Variants in MATN1 observed in about 807,000 individuals in gnomAD.
MATN1 encodes matrilin-1.
A neutral mutation model predicts 41.3 loss-of-function variants in MATN1; 34 were observed. That is an observed-to-expected ratio of 0.82 (90% CI 0.63 to 1.10). The LOEUF is 1.10. Among genes scored for constraint, MATN1 ranks in the 50% least tolerant of loss-of-function variants. The pLI is 0.00. For synonymous variants in MATN1, 264 were observed against 278.7 expected (o/e 0.95, Z 0.53); for missense variants, 602 against 662.4 (o/e 0.91, Z 1.00).
chr1:30,721,333 T>C (rs533708922), intron 2 of MATN1, 72 bp downstream of exon 2: 29 of 1,412,000 alleles, frequency 2.1e-5, no homozygotes, highest in Admixed American at 3.8e-5. Flanking sequence ...TCAAAGTGTC[T>C]GCAGGCAAAG....
intron 3 of MATN1, among the ~76,000 whole-genome samples, chr1:30,718,012 C>T (rs1054140728): frequency 4.6e-5 from 7 of 152,224 alleles, no homozygotes; most frequent in African/African-American, 1.7e-4. Flanking sequence ...TGGAGACCCT[C>T]CTCCGTTATC....
In MATN1 at chr1:30,718,877, C is replaced by T; in HGVS notation, c.522G>A (p.Glu174=). ...CGCTGCCCACTCCGATGGCGAACAG[C>T]TCGACGCCGCTGGCCCGGGCCCGCG... is the stretch of plus-strand genomic sequence containing the variant. ...VSARARASGV[E]LFAIGVGSVD... Residue 174 remains glutamate, a synonymous_variant, in exon 3 of 8, where the codon GAG becomes GAA. Coordinates refer to ENST00000373765, the MANE Select transcript of MATN1 (RefSeq NM_002379.3). 3 of 1,599,702 alleles carry T rather than the reference C, an allele frequency of 1.9e-6. No homozygotes were observed. The highest frequency in any genetic ancestry group is 8.5e-7 in the Non-Finnish European group (1 of 1,176,208).
At chr1:30,719,338 C>T in intron 2 of MATN1, 1 of 234,156 alleles carries the variant, frequency 4.3e-6, no homozygotes, top group African/African-American at 2.3e-5. Flanking sequence ...GGAGGCCCGG[C>T]CGGGGCTGGG....
chr1:30,716,707 A>C, intron 4 of MATN1, 83 bp downstream of exon 4: 1 of 1,552,934 alleles, frequency 6.4e-7, no homozygotes, highest in Non-Finnish European at 8.7e-7. Flanking sequence ...TGGTGCAGGG[A>C]GGCTTGAATG....
Position 30,713,434 on chromosome 1 carries a change from C to A in MATN1, c.*148G>T. On this transcript the variant is annotated 3_prime_UTR_variant, in exon 8 of 8. Transcript: ENST00000373765. ...ATACACACACGCACACATACACACA[C>A]GAGCTCCCAAACGCCATTACACGCT... 1.4e-6 allele frequency: 1 copy of A among 709,030 alleles called. No individual in the cohort carries two copies. Among genetic ancestry groups the A allele is most frequent in the Non-Finnish European group, 2.5e-6 (1 of 396,670 alleles). 43.9% of individuals were successfully genotyped at this position (709,030 alleles called of 1,614,324 possible).
chr1:30,718,650 C>T, intron 3 of MATN1, 85 bp downstream of exon 3: 1 of 926,774 alleles, frequency 1.1e-6, no homozygotes, highest in Non-Finnish European at 1.5e-6. Flanking sequence ...GCCTCAGCCT[C>T]GGTCCCGCCT....
Position 30,721,688 on chromosome 1 carries a change from C to T in MATN1, c.158G>A (p.Arg53Gln), listed in dbSNP as rs147880584. 21 of 1,613,074 alleles carry T rather than the reference C, an allele frequency of 1.3e-5. No homozygotes were observed. The African/African-American group carries it at 1.3e-4, about 10-fold the overall frequency. The change falls in exon 2 of 8, where the codon CGG (arginine) becomes CAG (glutamine). Residue 53 changes from arginine (R) to glutamine (Q), a missense_variant. Physicochemically the swap from Arg to Gln is conservative, Grantham distance 43. Transcript: ENST00000373765. ...VFVVDSSRSV[R>Q]PVEFEKVKVF... ...CTTCACTTTCTCAAATTCAACAGGC[C>T]GAACGCTGCGAGAGCTGTCGACAAC...
At chr1:30,719,196 G>A (rs1302984449) in intron 2 of MATN1, 2 of 481,736 alleles carry the variant, frequency 4.2e-6, no homozygotes, top group Admixed American at 4.2e-5. Context: ...ATGCCCGGAG[G>A]GATGTGATGC....
At position 30,721,613 on chromosome 1, in the gene MATN1, G is replaced by C. The variant is rs1276171119; in HGVS notation, c.233C>G (p.Thr78Ser). Residue 78 changes from threonine (T) to serine (S), a missense_variant, in exon 2 of 8, where the codon ACC (threonine) becomes AGC (serine). By Grantham distance (58) the Thr-to-Ser change is moderately conservative. Transcript: ENST00000373765. Reference sequence around the variant, plus strand: ...GGCATAGTTGACCATGCCCACCCGGGTGGCATTGGGCCCCACGTCCAGCGA... The same window carrying C: ...GGCATAGTTGACCATGCCCACCCGGCTGGCATTGGGCCCCACGTCCAGCGA... ...IESLDVGPNA[T>S]RVGMVNYAST... The C allele has an allele frequency of 1.9e-6, 3 of 1,613,564 alleles. No homozygotes were observed. The South Asian group carries it at 3.3e-5, about 18-fold the overall frequency.
intron 5 of MATN1, 77 bp downstream of exon 5, chr1:30,715,832 A>G: frequency 1.4e-6 from 2 of 1,459,618 alleles, no homozygotes; most frequent in Non-Finnish European, 1.9e-6. Flanking sequence ...CGACACCAAG[A>G]TAAACTACAG....
chr1:30,715,440 A>G, intron 5 of MATN1, 131 bp from the exon 6 acceptor site: 1 of 782,324 alleles, frequency 1.3e-6, no homozygotes, highest in East Asian at 2.6e-5. Context: ...TGCAAGCACA[A>G]TGCCTGGAAC....
Position 30,721,637 on chromosome 1 carries a change from G to A in MATN1, c.209C>T (p.Ser70Leu), listed in dbSNP as rs760462882. 41 of 1,613,424 alleles carry A rather than the reference G, an allele frequency of 2.5e-5. No homozygotes were observed. The highest frequency in any genetic ancestry group is 4.4e-5 in the South Asian group (4 of 91,092). Residue 70 changes from serine (S) to leucine (L), a missense_variant, in exon 2 of 8, where the codon TCG becomes TTG. Physicochemically the swap from Ser to Leu is moderately radical, Grantham distance 145 (BLOSUM62 -2). Coordinates refer to ENST00000373765, the MANE Select transcript of MATN1 (RefSeq NM_002379.3). ...GGTGGCATTGGGCCCCACGTCCAGC[G>A]ACTCGATGACCTGGGACAGGAATAC... The part of the protein sequence containing the change: ...VKVFLSQVIE[S>L]LDVGPNATRV...
chr1:30,713,348 A>G lies in MATN1; in HGVS notation c.*234T>C. On this transcript the variant is annotated 3_prime_UTR_variant, in exon 8 of 8. Coordinates refer to ENST00000373765, the MANE Select transcript of MATN1 (RefSeq NM_002379.3). ...ATCACTCTCACACTCACATTCTGGC[A>G]AGACTCATGCCCACCCTCAGGCGCA... is the stretch of plus-strand genomic sequence containing the variant. 1 of 570,130 alleles carries G rather than the reference A, an allele frequency of 1.8e-6. No individual in the cohort carries two copies. 35.3% of individuals were successfully genotyped at this position (570,130 alleles called of 1,614,324 possible).
In MATN1 at chr1:30,721,485, C is replaced by A; in HGVS notation, c.361G>T (p.Gly121Cys). 1 of 1,613,526 alleles carries A rather than the reference C, an allele frequency of 6.2e-7. No homozygotes were observed. The highest frequency in any genetic ancestry group is 8.5e-7 in the Non-Finnish European group (1 of 1,180,014). Residue 121 changes from glycine to cysteine, a missense_variant, in exon 2 of 8, where the codon GGC (glycine) becomes TGC (cysteine). Coordinates refer to ENST00000373765, the MANE Select transcript of MATN1 (RefSeq NM_002379.3). ...IQPLSTGTMTGLAIQFAITKA... is the reference protein window; with the variant it reads ...IQPLSTGTMTCLAIQFAITKA... ...GTGATAGCGAACTGGATGGCCAGGCCGGTCATGGTGCCTGTGGACAGCGGC... is the reference window on the plus strand; with the variant it reads ...GTGATAGCGAACTGGATGGCCAGGCAGGTCATGGTGCCTGTGGACAGCGGC...
At chr1:30,718,314 G>T (rs866330751) in intron 3 of MATN1, among the ~76,000 whole-genome samples, 2 of 149,750 alleles carry the variant, frequency 1.3e-5, no homozygotes, top group Admixed American at 6.6e-5. Flanking sequence ...CCACGGCCTC[G>T]TCCCGCTCAG....
At position 30,721,462 on chromosome 1, in the gene MATN1, G is replaced by T; in HGVS notation, c.384C>A (p.Ile128=). 6.2e-7 allele frequency: 1 copy of T among 1,613,702 alleles called. No individual in the cohort carries two copies. The change falls in exon 2 of 8, where the codon ATC becomes ATA. Residue 128 remains isoleucine (I), a synonymous_variant. Transcript: ENST00000373765. ...CCTCTGCATCGCCGAAGGCTTTGGT[G>T]ATAGCGAACTGGATGGCCAGGCCGG... ...TMTGLAIQFA[I]TKAFGDAEGG...
intron 4 of MATN1, 128 bp from the exon 5 acceptor site, chr1:30,716,453 C>T: frequency 2.1e-6 from 2 of 963,588 alleles, no homozygotes; most frequent in Non-Finnish European, 1.5e-6. Flanking sequence ...TCAGAACTGC[C>T]TCTATAAAGC....
intron 4 of MATN1, 92 bp from the exon 5 acceptor site, chr1:30,716,417 G>A: frequency 7.7e-7 from 1 of 1,297,558 alleles, no homozygotes; most frequent in Non-Finnish European, 1.1e-6. Context: ...ACCAAGCTCT[G>A]TGCTGAGGAT....
chr1:30,722,964 A>G (rs985710205), intron 1 of MATN1, among the ~76,000 whole-genome samples: 1 of 152,196 alleles, frequency 6.6e-6, no homozygotes, highest in African/African-American at 2.4e-5. Flanking sequence ...GTGTGGTCTT[A>G]GGCCCTCACT....
Sources: allele counts gnomAD v4.1 joint callset (sites outside exome capture counted in the v4.1 genomes callset), GRCh38; gene constraint gnomAD v4.1.1; transcripts MANE v1.5; gene names NCBI Gene and HGNC (gene_info 2026-07-23, HGNC 2026-07-21).